The following CLCN1 variants were observed in gnomAD, a reference collection of about 807,000 sequenced individuals.
CLCN1 encodes the protein chloride voltage-gated channel 1.
In CLCN1, 100 loss-of-function variants were observed where a neutral mutation model predicts 114.5. The ratio of observed to expected loss-of-function variants is 0.87; its 90% confidence interval spans 0.74 to 1.03. The LOEUF (loss-of-function observed/expected upper bound fraction) is 1.03. Among genes scored for constraint, CLCN1 ranks in the 50% least tolerant of loss-of-function variants. The probability of loss-of-function intolerance (pLI) is 0.00; values close to 1 mark genes in which losing one functional copy is unlikely to be tolerated. For missense variants in CLCN1, 1,188 were observed against 1,250.0 expected (o/e 0.95, Z 0.75); for synonymous variants, 485 against 487.1 (o/e 1.00, Z 0.06).
Position 143,326,572 on chromosome 7 carries a change from G to C in CLCN1, c.853+2080G>C, listed in dbSNP as rs887690081. On this transcript the variant is annotated intron_variant, in intron 7 of 22. Coordinates refer to ENST00000343257, the MANE Select transcript of CLCN1 (RefSeq NM_000083.3). Reference sequence around the variant, plus strand: ...GGGTAAAGTGCAGTGGGGACCTTATGCTAACCTGCCTACAAGAGCCCATGA... The same window carrying C: ...GGGTAAAGTGCAGTGGGGACCTTATCCTAACCTGCCTACAAGAGCCCATGA... Among the ~76,000 whole-genome samples, 4 of 152,162 alleles carry C rather than the reference G, an allele frequency of 2.6e-5. 1 individual carries two copies. The highest frequency in any genetic ancestry group is 2.0e-4 in the Admixed American group (3 of 15,276).
Position 143,341,804 on chromosome 7 carries a change from T to G in CLCN1, c.1583-125T>G, listed in dbSNP as rs1007919494. 4 of 749,840 alleles carry G rather than the reference T, an allele frequency of 5.3e-6. No homozygotes were observed. In the Admixed American group the frequency reaches 8.0e-5, roughly 15 times the overall value. The allele number at this position is 749,840 out of a possible 1,614,324, so 46.4% of individuals were successfully genotyped here. On this transcript the variant is annotated intron_variant, in intron 14 of 22. Transcript: ENST00000343257. ...TCTATTCCCTACTCTTGACAAGTCA[T>G]TATGAGTATTGGCACTGACCAGGGT...
In CLCN1 at chr7:143,350,253, G is replaced by C. The variant is rs1586520911; in HGVS notation, c.2404-119G>C. ...CTCTGATCTGGGGGATCTATGATCA[G>C]TTCTTGCATGTTCCCAGATTCTGGG... is the stretch of plus-strand genomic sequence containing the variant. On this transcript the variant is annotated intron_variant, in intron 20 of 22. Coordinates refer to ENST00000343257, the MANE Select transcript of CLCN1 (RefSeq NM_000083.3). The surrounding 1 kb of genome is among the most constrained non-coding windows in gnomAD (Gnocchi z 5.1). The C allele has an allele frequency of 2.6e-6, 2 of 756,452 alleles. No homozygotes were observed. The highest frequency in any genetic ancestry group is 3.5e-5 in the African/African-American group (2 of 57,878). 46.9% of individuals were successfully genotyped at this position (756,452 alleles called of 1,614,324 possible).
rs1803033742 is a variant in CLCN1 at position 143,339,920 on chromosome 7, C to T, written c.1582+299C>T. On this transcript the variant is annotated intron_variant, in intron 14 of 22. Coordinates refer to ENST00000343257, the MANE Select transcript of CLCN1 (RefSeq NM_000083.3). The surrounding 1 kb of genome is among the most constrained non-coding windows in gnomAD (Gnocchi z 4.1). Reference sequence around the variant, plus strand: ...GGTTCTGTCTTTCCTTCCCAAGAATCATGGAACCAACAATGCAGGTGATTG... The same window carrying T: ...GGTTCTGTCTTTCCTTCCCAAGAATTATGGAACCAACAATGCAGGTGATTG... Among the ~76,000 whole-genome samples, 1 of 152,150 alleles carries T rather than the reference C, an allele frequency of 6.6e-6. No homozygotes were observed. Among genetic ancestry groups the T allele is most frequent in the African/African-American group, 2.4e-5 (1 of 41,438 alleles).
At chr7:143,351,475 A>C in intron 22 of CLCN1, 119 bp from the exon 23 acceptor site, 1 of 1,116,558 alleles carries the variant, frequency 9.0e-7, no homozygotes, top group Non-Finnish European at 1.3e-6. Context: ...TTGCCACTCT[A>C]TATCTTTCCT....
chr7:143,339,279 T>G lies in CLCN1; in HGVS notation c.1428T>G (p.Thr476=). ...TCTGGATGTCCATCGTGGCCACCAC[T>G]ATGCCCATACCCTGCGGAGGCTTCA... is the stretch of plus-strand genomic sequence containing the variant. ...MKFWMSIVAT[T]MPIPCGGFMP... The change falls in exon 13 of 23, where the codon ACT becomes ACG. Residue 476 remains threonine, a synonymous_variant. Transcript: ENST00000343257. The surrounding 1 kb of genome is among the most constrained non-coding windows in gnomAD (Gnocchi z 4.1). 6.2e-7 allele frequency: 1 copy of G among 1,613,094 alleles called. No individual in the cohort carries two copies. The highest frequency in any genetic ancestry group is 2.2e-5 in the East Asian group (1 of 44,884).
At chr7:143,344,758 T>TG (rs1287123585) in intron 16 of CLCN1, among the ~76,000 whole-genome samples, 1 of 149,944 alleles carries the variant, frequency 6.7e-6, no homozygotes, top group Non-Finnish European at 1.5e-5. Context: ...AGGGTTTTTT[T>TG]TTTTTTTTTT....
rs931000865 is a variant in CLCN1 at position 143,348,344 on chromosome 7, A to C, written c.2403+1395A>C. ...ACTTTGTTAGGTTGCTAAAACCAAT[A>C]ACAATAAGTTTTGCTTTTTTTCTTT... On this transcript the variant is annotated intron_variant, in intron 20 of 22. Coordinates refer to ENST00000343257, the MANE Select transcript of CLCN1 (RefSeq NM_000083.3). 1.8e-4 allele frequency among the ~76,000 whole-genome samples: 27 copies of C among 152,238 alleles called. 1 individual carries two copies. Among genetic ancestry groups the C allele is most frequent in the African/African-American group, 6.5e-4 (27 of 41,468 alleles).
At position 143,347,913 on chromosome 7, in the gene CLCN1, G is replaced by A. The variant is rs117351244; in HGVS notation, c.2403+964G>A. 2.4e-4 allele frequency among the ~76,000 whole-genome samples: 36 copies of A among 152,276 alleles called. 1 individual carries two copies. In the East Asian group the frequency reaches 5.2e-3, roughly 22 times the overall value. Reference sequence around the variant, plus strand: ...AATGTGGACTAGTGATTGGAAGCAGGCGGTATCAGAACATACCGAGGGGTT... The same window carrying A: ...AATGTGGACTAGTGATTGGAAGCAGACGGTATCAGAACATACCGAGGGGTT... On this transcript the variant is annotated intron_variant, in intron 20 of 22. Transcript: ENST00000343257.
In CLCN1 at chr7:143,339,773, G is replaced by A. The variant is rs1456268828; in HGVS notation, c.1582+152G>A. On this transcript the variant is annotated intron_variant, in intron 14 of 22. Coordinates refer to ENST00000343257, the MANE Select transcript of CLCN1 (RefSeq NM_000083.3). This position sits in a 1 kb window ranked among gnomAD's most constrained non-coding sequence, Gnocchi z 4.1. ...ACTTTTACTCAGATAACATACCCAT[G>A]GCTCTGACTCTCATTATTTCTTACT... is the stretch of plus-strand genomic sequence containing the variant. The A allele has an allele frequency of 1.5e-6, 1 of 673,732 alleles. No individual in the cohort carries two copies. Among genetic ancestry groups the A allele is most frequent in the Non-Finnish European group, 2.7e-6 (1 of 370,154 alleles). 41.7% of individuals were successfully genotyped at this position (673,732 alleles called of 1,614,324 possible).
Position 143,324,371 on chromosome 7 carries a change from C to T in CLCN1, c.775-43C>T, listed in dbSNP as rs1802525054. 6.9e-7 allele frequency: 1 copy of T among 1,458,554 alleles called. No homozygotes were observed. Among genetic ancestry groups the T allele is most frequent in the Non-Finnish European group, 9.6e-7 (1 of 1,038,834 alleles). The allele number at this position is 1,458,554 out of a possible 1,614,324, so 90.4% of individuals were successfully genotyped here. On this transcript the variant is annotated intron_variant, in intron 6 of 22. Transcript: ENST00000343257. This position sits in a 1 kb window ranked among gnomAD's most constrained non-coding sequence, Gnocchi z 4.6. ...TGTTCTGTCCTCTGCCTGCCCACCT[C>T]CCTCTCTTCCACCTGTTTCTCTGTC...
chr7:143,346,935 A>G lies in CLCN1; in HGVS notation c.2389A>G (p.Met797Val), dbSNP rs763241373. The change falls in exon 20 of 23, where the codon ATG becomes GTG. Residue 797 changes from methionine (M) to valine (V), a missense_variant. By Grantham distance (21) the Met-to-Val change is conservative (BLOSUM62 1). Coordinates refer to ENST00000343257, the MANE Select transcript of CLCN1 (RefSeq NM_000083.3). ...TQDSTDLVDN[M>V]SPEEIEAWEQ... ...GGATTCCACAGATTTAGTGGATAACATGTCACCTGAAGAGGTGAGTAAGGG... is the reference window on the plus strand; with the variant it reads ...GGATTCCACAGATTTAGTGGATAACGTGTCACCTGAAGAGGTGAGTAAGGG... 3.7e-6 allele frequency: 6 copies of G among 1,613,704 alleles called. No individual in the cohort carries two copies. The South Asian group carries it at 5.5e-5, about 15-fold the overall frequency.
chr7:143,321,850 T>G lies in CLCN1; in HGVS notation c.696+2T>G. On this transcript the variant is annotated splice_donor_variant, in intron 5 of 22. Coordinates refer to ENST00000343257, the MANE Select transcript of CLCN1 (RefSeq NM_000083.3). LOFTEE classifies it high-confidence loss of function. This position sits in a 1 kb window ranked among gnomAD's most constrained non-coding sequence, Gnocchi z 4.2. ...AGTGGCATCCCCGTGGGGAAAGAGG[T>G]AGGCCTGGCATGACTGAAGCCAGAG... 6.2e-7 allele frequency: 1 copy of G among 1,613,894 alleles called. No homozygotes were observed. The highest frequency in any genetic ancestry group is 8.5e-7 in the Non-Finnish European group (1 of 1,179,926).
Position 143,346,649 on chromosome 7 carries a change from A to C in CLCN1, c.2355A>C (p.Lys785Asn). 6.2e-7 allele frequency: 1 copy of C among 1,613,166 alleles called. No individual in the cohort carries two copies. The change falls in exon 19 of 23, where the codon AAA becomes AAC. Residue 785 changes from lysine (K) to asparagine (N), a missense_variant. By Grantham distance (94) the Lys-to-Asn change is moderately conservative. Coordinates refer to ENST00000343257, the MANE Select transcript of CLCN1 (RefSeq NM_000083.3). ...LLGRARPTKK[K>N]TTQDSTDLVD... ...GCAGAGCTCGCCCCACAAAGAAGAA[A>C]ACAACCCAGGTGAGAGGAGATGTGT...
In CLCN1 at chr7:143,320,688, T is replaced by C; in HGVS notation, c.326T>C (p.Val109Ala). Residue 109 changes from valine (V) to alanine (A), a missense_variant, in exon 3 of 23, where the codon GTG (valine) becomes GCG (alanine). Coordinates refer to ENST00000343257, the MANE Select transcript of CLCN1 (RefSeq NM_000083.3). ...GATTGTATCCACCGCCTGGGACAGG[T>C]GGTGAGAAGAAAATTAGGGGAAGAC... is the stretch of plus-strand genomic sequence containing the variant. ...CQDCIHRLGQ[V>A]VRRKLGEDGI... 3 of 1,613,216 alleles carry C rather than the reference T, an allele frequency of 1.9e-6. No homozygotes were observed. Among genetic ancestry groups the C allele is most frequent in the Non-Finnish European group, 2.5e-6 (3 of 1,179,462 alleles).
At position 143,345,522 on chromosome 7, in the gene CLCN1, T is replaced by G; in HGVS notation, c.1932T>G (p.Asp644Glu). Residue 644 changes from aspartate to glutamate, a missense_variant and splice_region_variant, in exon 17 of 23, where the codon GAT becomes GAG. Asp to Glu is a conservative substitution (Grantham distance 45, BLOSUM62 2). Transcript: ENST00000343257. ...AGGCAGGGCGTGGGTTTCCCTCAGA[T>G]TCAATGATCCTGCTGGGCTCGGTGG... is the stretch of plus-strand genomic sequence containing the variant. ...VKTLPLVDSK[D>E]SMILLGSVER... 1 of 1,532,986 alleles carries G rather than the reference T, an allele frequency of 6.5e-7. No homozygotes were observed. The highest frequency in any genetic ancestry group is 8.8e-7 in the Non-Finnish European group (1 of 1,134,520). 95.0% of individuals were successfully genotyped at this position (1,532,986 alleles called of 1,614,324 possible). A position where few individuals can be genotyped will look rare whatever the true frequency, so the allele number is the denominator to read the frequency against.
At chr7:143,331,394 A>C (rs1802720376) in intron 9 of CLCN1, 78 bp downstream of exon 9, 1 of 1,238,866 alleles carries the variant, frequency 8.1e-7, no homozygotes, top group South Asian at 1.2e-5. Flanking sequence ...CCCAAGCTAG[A>C]AAGAAGGTGC....
intron 12 of CLCN1, among the ~76,000 whole-genome samples, chr7:143,337,293 GA>G (rs1429233439): frequency 9.9e-5 from 15 of 152,224 alleles, no homozygotes; most frequent in Non-Finnish European, 1.2e-4. Flanking sequence ...AGTGCAGAGA[GA>G]AGGCAGAAAG....
intron 7 of CLCN1, among the ~76,000 whole-genome samples, chr7:143,328,970 C>T (rs11348416): frequency 0.07 from 708 of 10,116 alleles, 56 homozygotes; most frequent in Admixed American, 0.12. Flanking sequence ...TTCTTTCTTT[C>T]TTTTTTTTTT....
At chr7:143,330,028 T>G (rs960756952) in intron 7 of CLCN1, among the ~76,000 whole-genome samples, 1 of 152,166 alleles carries the variant, frequency 6.6e-6, no homozygotes, top group African/African-American at 2.4e-5. Flanking sequence ...CAGTACTACT[T>G]AGAACTACTA....
Sources: gnomAD v4.1 joint callset for allele counts (sites outside exome capture counted in the v4.1 genomes callset) on GRCh38, gnomAD v4.1.1 for gene constraint, Gnocchi (gnomAD v3.1) non-coding constraint, MANE v1.5 for transcripts, NCBI Gene and HGNC (gene_info 2026-07-23, HGNC 2026-07-21) for gene names.